SEMA7A: variants seen among roughly 807,000 people sequenced by gnomAD.
SEMA7A encodes the protein semaphorin-7A.
Under a neutral mutation model 67.5 loss-of-function variants are expected in SEMA7A, and 21 were observed. The observed-to-expected ratio is 0.31, with a 90% CI of 0.22 to 0.45. The LOEUF (loss-of-function observed/expected upper bound fraction) is 0.45, where lower values mean the gene tolerates loss of function less well. SEMA7A is among the 20% of genes least tolerant of loss of function. The probability of loss-of-function intolerance (pLI) is 1.00; values close to 1 mark genes in which losing one functional copy is unlikely to be tolerated. For synonymous variants in SEMA7A, 364 were observed against 368.5 expected (o/e 0.99, Z 0.14); for missense variants, 774 against 908.6 (o/e 0.85, Z 1.90).
intron 1 of SEMA7A, among the ~76,000 whole-genome samples, chr15:74,425,361 G>T (rs755111069): frequency 3.3e-5 from 5 of 152,204 alleles, no homozygotes; most frequent in Non-Finnish European, 7.4e-5. Context: ...ACACAGAGAA[G>T]CTGAGTAACT....
chr15:74,433,773 C>T lies in SEMA7A; in HGVS notation c.146G>A (p.Arg49Lys). 1 of 1,444,010 alleles carries T rather than the reference C, an allele frequency of 6.9e-7. No homozygotes were observed. Among genetic ancestry groups the T allele is most frequent in the Non-Finnish European group, 9.1e-7 (1 of 1,103,632 alleles). 89.4% of individuals were successfully genotyped at this position (1,444,010 alleles called of 1,614,324 possible). ...GACGGCGAAGATGCGGGGTCCGCTC[C>T]TTAGGTGGCCCTGGGCGGAGGCGGC... The part of the protein sequence containing the change: ...AAAASAQGHL[R>K]SGPRIFAVWK... The change falls in exon 1 of 14, where the codon AGG (arginine) becomes AAG (lysine). Residue 49 changes from arginine to lysine, a missense_variant. This residue lies in a region of SEMA7A where 347 missense variants were observed against 353.2 expected (regional missense o/e 0.98). Transcript: ENST00000261918.
chr15:74,422,438 G>A (rs1054448474), intron 1 of SEMA7A, among the ~76,000 whole-genome samples: 2 of 152,150 alleles, frequency 1.3e-5, no homozygotes, highest in African/African-American at 4.8e-5. Context: ...TAGCCCAGAG[G>A]CAGGCCAGGA....
At chr15:74,428,556 C>T (rs2061060796) in intron 1 of SEMA7A, among the ~76,000 whole-genome samples, 1 of 152,212 alleles carries the variant, frequency 6.6e-6, no homozygotes, top group African/African-American at 2.4e-5. Context: ...CTCAGAGGAA[C>T]TGAGAAAGAA....
At chr15:74,426,335 A>T (rs1340046418) in intron 1 of SEMA7A, among the ~76,000 whole-genome samples, 2 of 152,044 alleles carry the variant, frequency 1.3e-5, no homozygotes, top group African/African-American at 4.8e-5. Flanking sequence ...AACACCATGG[A>T]CCCCATAAAG....
chr15:74,429,844 A>T (rs906482416), intron 1 of SEMA7A, among the ~76,000 whole-genome samples: 3 of 151,524 alleles, frequency 2.0e-5, no homozygotes, highest in African/African-American at 4.9e-5. Context: ...TTGGGTTTAA[A>T]ATCCTACTAA....
intron 10 of SEMA7A, among the ~76,000 whole-genome samples, chr15:74,412,989 C>T (rs2060915101): frequency 6.6e-6 from 1 of 152,214 alleles, no homozygotes; most frequent in Admixed American, 6.5e-5. Flanking sequence ...AATCCTACCT[C>T]ACCTGCTCTC....
intron 10 of SEMA7A, 96 bp from the exon 11 acceptor site, chr15:74,412,108 A>T (rs2060907134): frequency 6.8e-7 from 1 of 1,478,454 alleles, no homozygotes; most frequent in Non-Finnish European, 9.3e-7. Context: ...GTCACAACTC[A>T]GGCAAGGGTC....
At chr15:74,418,983 A>T in intron 1 of SEMA7A, 31 bp from the exon 2 acceptor site, 1 of 1,606,308 alleles carries the variant, frequency 6.2e-7, no homozygotes, top group Non-Finnish European at 8.5e-7. Flanking sequence ...AGAAACATTG[A>T]AGCCAGGTCC....
chr15:74,415,594 C>T (rs2060941164), intron 8 of SEMA7A, among the ~76,000 whole-genome samples: 1 of 152,162 alleles, frequency 6.6e-6, no homozygotes, highest in African/African-American at 2.4e-5. Context: ...CATGCACACA[C>T]ACCCATGAGT....
intron 1 of SEMA7A, among the ~76,000 whole-genome samples, chr15:74,430,681 T>A (rs534261375): frequency 1.3e-5 from 2 of 152,248 alleles, no homozygotes; most frequent in East Asian, 3.9e-4. Context: ...ACTCCCCCTC[T>A]CCTCCGGGGA....
rs2060903904 is a variant in SEMA7A at position 74,411,885 on chromosome 15, C to T, written c.1422G>A (p.Arg474=). 6.2e-7 allele frequency: 1 copy of T among 1,613,628 alleles called. No homozygotes were observed. The change falls in exon 11 of 14, where the codon CGG becomes CGA. Residue 474 remains arginine, a splice_region_variant and synonymous_variant. Coordinates refer to ENST00000261918, the MANE Select transcript of SEMA7A (RefSeq NM_003612.5). The surrounding 1 kb of genome is among the most constrained non-coding windows in gnomAD (Gnocchi z 4.4). The part of the protein sequence containing the change: ...AIQTMSLDAE[R]RKLYVSSQWE... ...TGGGACGCAGTGGGGGAAGGCTCAC[C>T]CGCTCAGCATCCAGCGACATGGTCT... is the stretch of plus-strand genomic sequence containing the variant.
intron 1 of SEMA7A, among the ~76,000 whole-genome samples, chr15:74,422,912 T>C (rs952053405): frequency 6.6e-6 from 1 of 152,122 alleles, no homozygotes; most frequent in Non-Finnish European, 1.5e-5. Flanking sequence ...GGAGTGCAGC[T>C]CCAGGGGAGG....
At chr15:74,420,667 G>A (rs1482907343) in intron 1 of SEMA7A, among the ~76,000 whole-genome samples, 1 of 152,124 alleles carries the variant, frequency 6.6e-6, no homozygotes, top group East Asian at 1.9e-4. Flanking sequence ...CCCTTCCTGG[G>A]ATAAAATTAG....
intron 2 of SEMA7A, 129 bp from the exon 3 acceptor site, chr15:74,418,438 G>A: frequency 1.1e-6 from 1 of 906,010 alleles, no homozygotes; most frequent in Non-Finnish European, 1.7e-6. Flanking sequence ...TGAGCAACTG[G>A]GGCTCTGAGA....
Position 74,410,712 on chromosome 15 carries a change from T to C in SEMA7A, c.1913A>G (p.Glu638Gly). ...QLLPEDGIMAEHLLGHACALA... is the reference protein window; with the variant it reads ...QLLPEDGIMAGHLLGHACALA... ...GGCACAGGCATGACCCAGCAGGTGC[T>C]CGGCCATGATGCCGTCCTCGGGCAG... Residue 638 changes from glutamate (E) to glycine (G), a missense_variant, in exon 14 of 14, where the codon GAG (glutamate) becomes GGG (glycine). Around this residue, in one of 2 missense-constraint regions of SEMA7A, gnomAD observed 427 missense variants for 555.4 expected, o/e 0.77. Transcript: ENST00000261918. This position sits in a 1 kb window ranked among gnomAD's most constrained non-coding sequence, Gnocchi z 7.5. 6.2e-7 allele frequency: 1 copy of C among 1,613,600 alleles called. No individual in the cohort carries two copies. The highest frequency in any genetic ancestry group is 1.3e-5 in the African/African-American group (1 of 75,056).
intron 1 of SEMA7A, among the ~76,000 whole-genome samples, chr15:74,426,352 G>A (rs2061043503): frequency 6.6e-6 from 1 of 152,118 alleles, no homozygotes; most frequent in South Asian, 2.1e-4. Context: ...AAAGATGCTG[G>A]CCCATAGATC....
In SEMA7A at chr15:74,417,928, C is replaced by T. The variant is rs1342642267; in HGVS notation, c.414G>A (p.Glu138=). ...NYITLLERRS[E]GLLACGTNAR... The stretch of plus-strand genomic sequence containing the variant: ...CGTTGGTGCCACAGGCCAGCAGCCC[C>T]TCACTCCGCCTCTCCAGGAGAGTGA... The change falls in exon 4 of 14, where the codon GAG becomes GAA. Residue 138 remains glutamate (E), a synonymous_variant. Coordinates refer to ENST00000261918, the MANE Select transcript of SEMA7A (RefSeq NM_003612.5). 6.2e-7 allele frequency: 1 copy of T among 1,613,336 alleles called. No individual in the cohort carries two copies. The highest frequency in any genetic ancestry group is 1.7e-5 in the Admixed American group (1 of 60,030).
chr15:74,415,801 C>T lies in SEMA7A; in HGVS notation c.986G>A (p.Trp329Ter), dbSNP rs1446651462. The change falls in exon 8 of 14, where the codon TGG becomes TAG. Residue 329 changes from tryptophan (W) to a stop codon, truncating the protein, a stop_gained and splice_region_variant. Coordinates refer to ENST00000261918, the MANE Select transcript of SEMA7A (RefSeq NM_003612.5). LOFTEE classifies it high-confidence loss of function. ...TRVYGVFSNP[W>*]NYSAVCVYSL... ...CGGCCCCAGGACAAGGGCCACTCACCAGGGGTTGGAGAAAACACCATAGAC... is the reference window on the plus strand; with the variant it reads ...CGGCCCCAGGACAAGGGCCACTCACTAGGGGTTGGAGAAAACACCATAGAC... 1 of 1,611,714 alleles carries T rather than the reference C, an allele frequency of 6.2e-7. No individual in the cohort carries two copies. Among genetic ancestry groups the T allele is most frequent in the Non-Finnish European group, 8.5e-7 (1 of 1,178,900 alleles).
Position 74,418,846 on chromosome 15 carries a change from G to C in SEMA7A, c.285C>G (p.Val95=). The C allele has an allele frequency of 6.2e-7, 1 of 1,613,936 alleles. No homozygotes were observed. Among genetic ancestry groups the C allele is most frequent in the Non-Finnish European group, 8.5e-7 (1 of 1,179,996 alleles). ...SSVWVGGRGK[V]YLFDFPEGKN... ...TGCCCTCGGGGAAGTCAAAGAGGTA[G>C]ACCTTGCCACGTCCTCCCACCCACA... The change falls in exon 2 of 14, where the codon GTC becomes GTG. Residue 95 remains valine, a synonymous_variant. Transcript: ENST00000261918.
Sources: gnomAD v4.1 joint callset for allele counts (sites outside exome capture counted in the v4.1 genomes callset) on GRCh38, gnomAD v4.1.1 for gene constraint, gnomAD v4.1.1 regional missense constraint, Gnocchi (gnomAD v3.1) non-coding constraint, MANE v1.5 for transcripts, NCBI Gene and HGNC (gene_info 2026-07-23, HGNC 2026-07-21) for gene names.